RNF220: variants seen among roughly 807,000 people sequenced by gnomAD.
The protein encoded by RNF220 is E3 ubiquitin-protein ligase RNF220.
In RNF220, 7 loss-of-function variants were observed where a neutral mutation model predicts 67.1. The observed-to-expected ratio is 0.10, with a 90% CI of 0.06 to 0.20. RNF220 has a LOEUF of 0.20. Ranked by LOEUF, RNF220 falls within the 10% of genes least tolerant of loss-of-function variation. The pLI is 1.00. For synonymous variants in RNF220, 270 were observed against 283.2 expected (o/e 0.95, Z 0.47); for missense variants, 565 against 740.3 (o/e 0.76, Z 2.75).
At chr1:44,406,107 A>G (rs1557892714) in intron 1 of RNF220, among the ~76,000 whole-genome samples, 1 of 151,868 alleles carries the variant, frequency 6.6e-6, no homozygotes, top group Non-Finnish European at 1.5e-5. Flanking sequence ...ATGAGAAACT[A>G]CCCCGACAGC....
intron 8 of RNF220, chr1:44,644,355 T>C (rs1644574148): frequency 4.5e-6 from 1 of 221,736 alleles, no homozygotes; most frequent in Admixed American, 5.1e-5. Context: ...TAGACCTGAA[T>C]TTTTCTGTCC....
intron 2 of RNF220, among the ~76,000 whole-genome samples, chr1:44,478,011 C>G (rs899384062): frequency 6.6e-6 from 1 of 152,216 alleles, no homozygotes; most frequent in Non-Finnish European, 1.5e-5. Flanking sequence ...CAGGGTCTCG[C>G]TCTGTCACCC....
At chr1:44,453,984 G>C (rs1652930023) in intron 2 of RNF220, among the ~76,000 whole-genome samples, 1 of 152,132 alleles carries the variant, frequency 6.6e-6, no homozygotes, top group African/African-American at 2.4e-5. Flanking sequence ...ATCATCACAT[G>C]GCATTCCATT....
intron 2 of RNF220, among the ~76,000 whole-genome samples, chr1:44,459,956 G>A (rs780050168): frequency 2.6e-5 from 4 of 152,166 alleles, no homozygotes; most frequent in Non-Finnish European, 5.9e-5. Context: ...TCCTAAAAGT[G>A]GACCCTGAGA....
intron 2 of RNF220, among the ~76,000 whole-genome samples, chr1:44,462,094 A>AT (rs199842017): frequency 6.7e-6 from 1 of 149,948 alleles, no homozygotes; most frequent in African/African-American, 2.5e-5. Flanking sequence ...TGCCCGGCTA[A>AT]TTTTTTTTTC....
intron 2 of RNF220, among the ~76,000 whole-genome samples, chr1:44,436,826 C>T (rs1237420911): frequency 6.6e-6 from 1 of 152,120 alleles, no homozygotes; most frequent in Admixed American, 6.5e-5. Context: ...ACTCTTGGGA[C>T]CCCAGAGCGC....
intron 2 of RNF220, among the ~76,000 whole-genome samples, chr1:44,554,061 A>G (rs1295479724): frequency 3.3e-5 from 5 of 152,186 alleles, no homozygotes; most frequent in Non-Finnish European, 7.3e-5. Flanking sequence ...GGAATCCTGA[A>G]GGCAAGCAAG....
intron 2 of RNF220, among the ~76,000 whole-genome samples, chr1:44,504,716 T>C (rs1034935132): frequency 2.0e-5 from 3 of 152,236 alleles, no homozygotes; most frequent in Non-Finnish European, 4.4e-5. Flanking sequence ...CTGTGTCTCA[T>C]TGGCATCAGT....
At chr1:44,492,379 T>G (rs185483373) in intron 2 of RNF220, among the ~76,000 whole-genome samples, 214 of 152,300 alleles carry the variant, frequency 1.4e-3, no homozygotes, top group Non-Finnish European at 2.4e-3. Context: ...AAGCTGAAGA[T>G]AGAGTTGCCA....
chr1:44,601,677 AC>A (rs1285560087), intron 2 of RNF220, among the ~76,000 whole-genome samples: 1 of 152,190 alleles, frequency 6.6e-6, no homozygotes, highest in East Asian at 1.9e-4. Context: ...AAGCAAGGCC[AC>A]CTAGCAGAGA....
chr1:44,488,547 T>G (rs1008427533), intron 2 of RNF220, among the ~76,000 whole-genome samples: 4 of 152,132 alleles, frequency 2.6e-5, no homozygotes, highest in African/African-American at 9.7e-5. Flanking sequence ...GCTCCTGAGC[T>G]CAAATGATCC....
At chr1:44,447,145 T>G (rs2147917209) in intron 2 of RNF220, among the ~76,000 whole-genome samples, 1 of 152,362 alleles carries the variant, frequency 6.6e-6, no homozygotes, top group South Asian at 2.1e-4. Flanking sequence ...AATTACTATA[T>G]TCCTGACAAT....
At chr1:44,443,947 C>T (rs931785646) in intron 2 of RNF220, among the ~76,000 whole-genome samples, 2 of 152,110 alleles carry the variant, frequency 1.3e-5, no homozygotes, top group East Asian at 1.9e-4. Context: ...AAAAATTAGC[C>T]GAACATGTTG....
In RNF220 at chr1:44,650,694, C is replaced by T. The variant is rs1644768988; in HGVS notation, c.1630-10C>T. 1 of 1,613,572 alleles carries T rather than the reference C, an allele frequency of 6.2e-7. No homozygotes were observed. Among genetic ancestry groups the T allele is most frequent in the Non-Finnish European group, 8.5e-7 (1 of 1,179,826 alleles). On this transcript the variant is annotated splice_polypyrimidine_tract_variant and intron_variant, in intron 14 of 14. Coordinates refer to ENST00000361799, the MANE Select transcript of RNF220 (RefSeq NM_018150.4). This position sits in a 1 kb window ranked among gnomAD's most constrained non-coding sequence, Gnocchi z 4.3. ...TGTGTAGACCAGAGCCCTCCCTGTTCTCCCTGCAGGGTGCCAAGAAGCTCT... is the reference window on the plus strand; with the variant it reads ...TGTGTAGACCAGAGCCCTCCCTGTTTTCCCTGCAGGGTGCCAAGAAGCTCT...
In RNF220 at chr1:44,442,970, C is replaced by G. The variant is rs143089371; in HGVS notation, c.625+30248C>G. Among the ~76,000 whole-genome samples the G allele has an allele frequency of 1.8e-3, 278 of 152,340 alleles. 1 individual carries two copies. The highest frequency in any genetic ancestry group is 6.3e-3 in the African/African-American group (261 of 41,576). On this transcript the variant is annotated intron_variant, in intron 2 of 14. Transcript: ENST00000361799. ...TTCCACTCTTGTACCCAAGGGCCCT[C>G]TTACTCCACCCTCTTGCCTAGTGGA... is the stretch of plus-strand genomic sequence containing the variant.
At chr1:44,420,716 G>GGC (rs1179683106) in intron 2 of RNF220, among the ~76,000 whole-genome samples, 1 of 152,100 alleles carries the variant, frequency 6.6e-6, no homozygotes, top group Admixed American at 6.5e-5. Context: ...TCTGATACTG[G>GGC]GCAGGTTACC....
At chr1:44,617,562 G>C (rs1643612330) in intron 3 of RNF220, among the ~76,000 whole-genome samples, 1 of 152,258 alleles carries the variant, frequency 6.6e-6, no homozygotes. Context: ...AGCGGGGAGC[G>C]CGGGGAGGGC....
At chr1:44,434,873 A>T (rs943506824) in intron 2 of RNF220, among the ~76,000 whole-genome samples, 3 of 151,798 alleles carry the variant, frequency 2.0e-5, no homozygotes, top group African/African-American at 7.3e-5. Context: ...AAAAAAAATT[A>T]AAAATTAGCC....
chr1:44,414,809 T>C (rs1253298186), intron 2 of RNF220, among the ~76,000 whole-genome samples: 1 of 151,916 alleles, frequency 6.6e-6, no homozygotes, highest in Non-Finnish European at 1.5e-5. Flanking sequence ...TTTAAAATAG[T>C]CTTCCCTTAT....
Sources: gnomAD v4.1 joint callset for allele counts (sites outside exome capture counted in the v4.1 genomes callset) on GRCh38, gnomAD v4.1.1 for gene constraint, Gnocchi (gnomAD v3.1) non-coding constraint, MANE v1.5 for transcripts, NCBI Gene and HGNC (gene_info 2026-07-23, HGNC 2026-07-21) for gene names.